EML6: variants seen among roughly 807,000 people sequenced by gnomAD.
The protein encoded by EML6 is echinoderm microtubule-associated protein-like 6.
A neutral mutation model predicts 240.1 loss-of-function variants in EML6; 154 were observed. The ratio of observed to expected loss-of-function variants is 0.64; its 90% CI spans 0.56 to 0.73. The LOEUF (loss-of-function observed/expected upper bound fraction) is 0.73, where lower values mean the gene tolerates loss of function less well. Ranked by LOEUF, EML6 falls within the 30% of genes least tolerant of loss-of-function variation. The probability of loss-of-function intolerance (pLI) is 0.00; values close to 1 mark genes in which losing one functional copy is unlikely to be tolerated. For synonymous variants in EML6, 1,148 were observed against 899.0 expected (o/e 1.28, Z -4.95); for missense variants, 2,964 against 2,474.6 (o/e 1.20, Z -4.20).
chr2:54,828,041 C>T (rs995591274), intron 6 of EML6, among the ~76,000 whole-genome samples: 2 of 152,218 alleles, frequency 1.3e-5, no homozygotes, highest in African/African-American at 2.4e-5. Context: ...AGGCACTTCT[C>T]AAACTTTAAT....
chr2:54,855,571 G>A (rs1670331499), intron 11 of EML6, among the ~76,000 whole-genome samples: 1 of 150,338 alleles, frequency 6.7e-6, no homozygotes, highest in Admixed American at 6.7e-5. Flanking sequence ...ATGAGTCACC[G>A]TTACATAAAA....
chr2:54,822,606 C>G (rs958766949), intron 5 of EML6, among the ~76,000 whole-genome samples: 1 of 152,126 alleles, frequency 6.6e-6, no homozygotes, highest in African/African-American at 2.4e-5. Context: ...GGGAAATATT[C>G]AAAATCTATT....
chr2:54,886,259 G>A (rs1672135055), intron 17 of EML6, among the ~76,000 whole-genome samples: 2 of 147,462 alleles, frequency 1.4e-5, no homozygotes, highest in South Asian at 4.3e-4. Context: ...TCTGCCTCCT[G>A]GGTTCAAGTG....
At chr2:54,816,705 A>G in intron 3 of EML6, 82 bp from the exon 4 acceptor site, 1 of 1,078,508 alleles carries the variant, frequency 9.3e-7, no homozygotes, top group East Asian at 2.6e-5. Flanking sequence ...TGCCTAACCC[A>G]TAGTAAATAG....
In EML6 at chr2:54,859,567, C is replaced by T; in HGVS notation, c.1691C>T (p.Ala564Val). 4 of 1,551,168 alleles carry T rather than the reference C, an allele frequency of 2.6e-6. No individual in the cohort carries two copies. The highest frequency in any genetic ancestry group is 2.6e-6 in the Non-Finnish European group (3 of 1,146,804). Residue 564 changes from alanine to valine, a missense_variant, in exon 12 of 42, where the codon GCA (alanine) becomes GTA (valine). Transcript: ENST00000356458. ...TTTAGAAAGTATGTGGGCCATTCTG[C>T]ACATGTCACAAATGTCCGCTGGTCC... ...AKFRKYVGHSAHVTNVRWSHD... is the reference protein window; with the variant it reads ...AKFRKYVGHSVHVTNVRWSHD...
At chr2:54,924,759 C>G (rs550182141) in intron 26 of EML6, among the ~76,000 whole-genome samples, 1 of 152,028 alleles carries the variant, frequency 6.6e-6, no homozygotes, top group Admixed American at 6.6e-5. Context: ...GATGGGGTTT[C>G]GCCGTGTTGG....
At chr2:54,888,674 C>T (rs1228061663) in intron 17 of EML6, among the ~76,000 whole-genome samples, 2 of 152,066 alleles carry the variant, frequency 1.3e-5, no homozygotes, top group South Asian at 2.1e-4. Context: ...ACATTTCTTC[C>T]ATGTGTTTTC....
At chr2:54,845,414 A>G (rs1425114452) in intron 8 of EML6, among the ~76,000 whole-genome samples, 1 of 152,228 alleles carries the variant, frequency 6.6e-6, no homozygotes, top group African/African-American at 2.4e-5. Context: ...TTTATGTTTC[A>G]ACAATTGTTA....
At position 54,774,914 on chromosome 2, in the gene EML6, C is replaced by G. The variant is rs1034481438; in HGVS notation, c.198-38318C>G. 6.6e-6 allele frequency among the ~76,000 whole-genome samples: 1 copy of G among 152,220 alleles called. No homozygotes were observed. The highest frequency in any genetic ancestry group is 1.5e-5 in the Non-Finnish European group (1 of 68,040). On this transcript the variant is annotated intron_variant, in intron 2 of 41. Coordinates refer to ENST00000356458, the MANE Select transcript of EML6 (RefSeq NM_001039753.4). The surrounding 1 kb of genome is among the most constrained non-coding windows in gnomAD (Gnocchi z 4.1). ...CAAGTGGAAATACAGAAAGTGCTTA[C>G]AACATGTAAAATTCTGTATTGTTGA...
chr2:54,785,170 CTTTT>C (rs57639955), intron 2 of EML6, among the ~76,000 whole-genome samples: 5 of 102,610 alleles, frequency 4.9e-5, no homozygotes, highest in South Asian at 3.4e-4. Context: ...CACACACACA[CTTTT>C]TTTTTTTTTT....
rs541617012 is a variant in EML6 at position 54,890,449 on chromosome 2, T to G, written c.2439-605T>G. 5.3e-5 allele frequency among the ~76,000 whole-genome samples: 8 copies of G among 152,286 alleles called. 1 individual carries two copies. The highest frequency in any genetic ancestry group is 1.9e-4 in the African/African-American group (8 of 41,544). On this transcript the variant is annotated intron_variant, in intron 17 of 41. Transcript: ENST00000356458. ...CCAGGTCTACAATGGAACTTTGCACTTATGTTTGTCCTTCTGCCCCTTAGG... is the reference window on the plus strand; with the variant it reads ...CCAGGTCTACAATGGAACTTTGCACGTATGTTTGTCCTTCTGCCCCTTAGG...
In EML6 at chr2:54,970,317, G is replaced by C. The variant is rs988657492; in HGVS notation, c.*222G>C. On this transcript the variant is annotated 3_prime_UTR_variant, in exon 42 of 42. Coordinates refer to ENST00000356458, the MANE Select transcript of EML6 (RefSeq NM_001039753.4). ...GAAGGTCAAGTTTTAAAATGTTAAAGACTGCTTGCCTCTGTTCCTGAGACT... is the reference window on the plus strand; with the variant it reads ...GAAGGTCAAGTTTTAAAATGTTAAACACTGCTTGCCTCTGTTCCTGAGACT... 5 of 591,932 alleles carry C rather than the reference G, an allele frequency of 8.4e-6. No homozygotes were observed. The highest frequency in any genetic ancestry group is 1.5e-5 in the Non-Finnish European group (5 of 330,870). 36.7% of individuals were successfully genotyped at this position (591,932 alleles called of 1,614,324 possible). A position where few individuals can be genotyped will look rare whatever the true frequency, so the allele number is the denominator to read the frequency against.
intron 7 of EML6, among the ~76,000 whole-genome samples, chr2:54,838,995 C>T (rs1319747632): frequency 6.6e-6 from 1 of 152,224 alleles, no homozygotes; most frequent in Non-Finnish European, 1.5e-5. Context: ...GCTTATATTT[C>T]TCTGACTCCC....
At chr2:54,886,813 A>C (rs1672171232) in intron 17 of EML6, among the ~76,000 whole-genome samples, 1 of 152,214 alleles carries the variant, frequency 6.6e-6, no homozygotes, top group South Asian at 2.1e-4. Flanking sequence ...CTTATCAGAT[A>C]TATGATTTGC....
At chr2:54,861,374 A>G (rs759732147) in intron 12 of EML6, among the ~76,000 whole-genome samples, 1 of 152,304 alleles carries the variant, frequency 6.6e-6, no homozygotes, top group Non-Finnish European at 1.5e-5. Context: ...TAGAGGTACA[A>G]TGGGCCCACT....
At chr2:54,863,357 A>G (rs1317549368) in intron 12 of EML6, among the ~76,000 whole-genome samples, 1 of 152,208 alleles carries the variant, frequency 6.6e-6, no homozygotes, top group South Asian at 2.1e-4. Flanking sequence ...GTCCCTACAA[A>G]TAAAATTTAA....
chr2:54,923,378 C>T (rs905221880), intron 26 of EML6, among the ~76,000 whole-genome samples: 1 of 150,914 alleles, frequency 6.6e-6, no homozygotes, highest in African/African-American at 2.4e-5. Flanking sequence ...CACACACACA[C>T]ACACACACAC....
chr2:54,832,355 T>G (rs1411738429), intron 7 of EML6, among the ~76,000 whole-genome samples: 2 of 152,082 alleles, frequency 1.3e-5, no homozygotes, highest in Admixed American at 6.5e-5. Context: ...GGAAGGAGGA[T>G]GTTGAGTTCC....
chr2:54,917,364 T>TG (rs1673975486), intron 26 of EML6, among the ~76,000 whole-genome samples: 9 of 149,904 alleles, frequency 6.0e-5, no homozygotes, highest in Non-Finnish European at 1.3e-4. Context: ...TTTTGTTTTT[T>TG]TTTTTTTTTT....
Sources: gnomAD v4.1 joint callset for allele counts (sites outside exome capture counted in the v4.1 genomes callset) on GRCh38, gnomAD v4.1.1 for gene constraint, Gnocchi (gnomAD v3.1) non-coding constraint, MANE v1.5 for transcripts, NCBI Gene and HGNC (gene_info 2026-07-23, HGNC 2026-07-21) for gene names.